The following ANKRD24 variants were observed in gnomAD, a reference collection of about 807,000 sequenced individuals.
ANKRD24 encodes the protein ankyrin repeat domain-containing protein 24.
In ANKRD24, 109 loss-of-function variants were observed where a neutral mutation model predicts 127.8. The observed-to-expected ratio is 0.85, with a 90% CI of 0.73 to 1.00. ANKRD24 has a LOEUF of 1.00. ANKRD24 is among the 50% of genes least tolerant of loss of function. The pLI is 0.00. For synonymous variants in ANKRD24, 743 were observed against 671.1 expected (o/e 1.11, Z -1.66); for missense variants, 1,648 against 1,570.2 (o/e 1.05, Z -0.84).
rs1968950112 is a variant in ANKRD24 at position 4,199,344 on chromosome 19, G to A, written c.37-339G>A. 8.1e-6 allele frequency: 2 copies of A among 248,368 alleles called. No individual in the cohort carries two copies. The highest frequency in any genetic ancestry group is 4.6e-5 in the African/African-American group (2 of 43,138). The allele number at this position is 248,368 out of a possible 1,614,324, so 15.4% of individuals were successfully genotyped here. A position where few individuals can be genotyped will look rare whatever the true frequency, so the allele number is the denominator to read the frequency against. The stretch of plus-strand genomic sequence containing the variant: ...TGATCCTCCCACCTCAGCCTCCCAA[G>A]CAGCTACAGGCATGAGCCACCATGC... On this transcript the variant is annotated intron_variant, in intron 2 of 21. Transcript: ENST00000318934. The surrounding 1 kb of genome is among the most constrained non-coding windows in gnomAD (Gnocchi z 5.2).
At chr19:4,183,228 C>T in intron 1 of ANKRD24, 2 of 838,152 alleles carry the variant, frequency 2.4e-6, no homozygotes, top group Non-Finnish European at 2.9e-6. Flanking sequence ...GATCTGACCG[C>T]CTCGGCCTCC....
chr19:4,212,589 G>C lies in ANKRD24; in HGVS notation c.1099-11G>C. 1.3e-6 allele frequency: 2 copies of C among 1,550,366 alleles called. No individual in the cohort carries two copies. The highest frequency in any genetic ancestry group is 1.7e-6 in the Non-Finnish European group (2 of 1,146,730). ...TCCCAGAGGCAGCTGAGCCTCCACT[G>C]CTGCTCCCAGGTGCAAGAGCTACAG... On this transcript the variant is annotated splice_polypyrimidine_tract_variant and intron_variant, in intron 14 of 21. Coordinates refer to ENST00000318934, the MANE Select transcript of ANKRD24 (RefSeq NM_001393985.1).
chr19:4,217,927 C>T lies in ANKRD24; in HGVS notation c.2767C>T (p.Gln923Ter). ...VVPASEHRRL[Q>*]EEALELRGRA... ...GCCGGCCTCTGAGCACCGCCGGCTG[C>T]AGGAGGAGGCCCTGGAGCTGCGGGG... Residue 923 changes from glutamine to a stop codon, truncating the protein, a stop_gained, in exon 18 of 22, where the codon CAG (glutamine) becomes TAG (stop). Transcript: ENST00000318934. LOFTEE classifies it high-confidence loss of function. The T allele has an allele frequency of 6.7e-7, 1 of 1,495,630 alleles. No homozygotes were observed. The highest frequency in any genetic ancestry group is 8.8e-7 in the Non-Finnish European group (1 of 1,130,020). 92.6% of individuals were successfully genotyped at this position (1,495,630 alleles called of 1,614,324 possible).
In ANKRD24 at chr19:4,217,847, G is replaced by T. The variant is rs918721408; in HGVS notation, c.2687G>T (p.Arg896Leu). 4 of 1,442,606 alleles carry T rather than the reference G, an allele frequency of 2.8e-6. No homozygotes were observed. The highest frequency in any genetic ancestry group is 2.7e-5 in the Admixed American group (1 of 36,896). The allele number at this position is 1,442,606 out of a possible 1,614,324, so 89.4% of individuals were successfully genotyped here. ...AELPAACEEA[R>L]QGLAELREAS... ...CTGCCTGCGGCCTGCGAGGAGGCGC[G>T]GCAGGGCCTGGCCGAGCTGCGGGAG... Residue 896 changes from arginine (R) to leucine (L), a missense_variant, in exon 18 of 22, where the codon CGG becomes CTG. Transcript: ENST00000318934.
chr19:4,221,272 T>TC (rs1378231585), intron 19 of ANKRD24, among the ~76,000 whole-genome samples: 2 of 151,992 alleles, frequency 1.3e-5, no homozygotes, highest in African/African-American at 4.8e-5. Context: ...AGACTGGGTT[T>TC]CACCATGTTG....
chr19:4,219,265 G>T (rs367713724), intron 18 of ANKRD24, among the ~76,000 whole-genome samples: 1 of 150,782 alleles, frequency 6.6e-6, no homozygotes, highest in South Asian at 2.1e-4. Flanking sequence ...CAGCCTAGGC[G>T]ACAGAGCAAG....
intron 15 of ANKRD24, 37 bp from the exon 16 acceptor site, chr19:4,215,941 G>A: frequency 1.3e-6 from 2 of 1,535,824 alleles, no homozygotes; most frequent in Non-Finnish European, 1.8e-6. Context: ...GGGGCTGAGA[G>A]CAGAACCCCG....
rs1899720878 is a variant in ANKRD24 at position 4,199,617 on chromosome 19, TG to T, written c.37-61del. ...GGGTGATGGGCCTGGGGGCAGATGC[TG>T]GGGGTCGCAGGCTTGGGGGACACTG... On this transcript the variant is annotated intron_variant, in intron 2 of 21. Coordinates refer to ENST00000318934, the MANE Select transcript of ANKRD24 (RefSeq NM_001393985.1). This position sits in a 1 kb window ranked among gnomAD's most constrained non-coding sequence, Gnocchi z 5.2. 3 of 1,471,654 alleles carry T rather than the reference TG, an allele frequency of 2.0e-6. No homozygotes were observed. The South Asian group carries it at 4.0e-5, about 20-fold the overall frequency. The allele number at this position is 1,471,654 out of a possible 1,614,324, so 91.2% of individuals were successfully genotyped here.
intron 11 of ANKRD24, among the ~76,000 whole-genome samples, chr19:4,209,837 C>G (rs1324711840): frequency 6.6e-6 from 1 of 152,144 alleles, no homozygotes; most frequent in African/African-American, 2.4e-5. Context: ...AACTGAGAGA[C>G]AGAGAGGAGC....
chr19:4,198,541 C>G lies in ANKRD24; in HGVS notation c.37-1142C>G, dbSNP rs748681403. The G allele has an allele frequency of 1.8e-6, 1 of 570,300 alleles. No individual in the cohort carries two copies. The highest frequency in any genetic ancestry group is 4.4e-4 in the Middle Eastern group (1 of 2,252). 35.3% of individuals were successfully genotyped at this position (570,300 alleles called of 1,614,324 possible). A position where few individuals can be genotyped will look rare whatever the true frequency, so the allele number is the denominator to read the frequency against. Reference sequence around the variant, plus strand: ...CAGCCGCCTCCTTCGCGGTAGGGCCCGGGGAGGGGGCGCAGGAGCGGGCGG... The same window carrying G: ...CAGCCGCCTCCTTCGCGGTAGGGCCGGGGGAGGGGGCGCAGGAGCGGGCGG... On this transcript the variant is annotated intron_variant, in intron 2 of 21. Coordinates refer to ENST00000318934, the MANE Select transcript of ANKRD24 (RefSeq NM_001393985.1). The surrounding 1 kb of genome is among the most constrained non-coding windows in gnomAD (Gnocchi z 6.1).
At chr19:4,207,214 G>T in intron 7 of ANKRD24, 28 bp from the exon 8 acceptor site, 1 of 1,607,904 alleles carries the variant, frequency 6.2e-7, no homozygotes, top group Non-Finnish European at 8.5e-7. Context: ...TTGAGCTACC[G>T]CACCGGACAA....
chr19:4,202,033 T>C lies in ANKRD24; in HGVS notation c.351T>C (p.Asn117=), dbSNP rs764235491. ...NVMSADGAGY[N]ALHLAAKYGH... ...TCTTCTTTCCTTCCCCAGGTTACAA[T>C]GCCCTCCACCTGGCCGCCAAATACG... is the stretch of plus-strand genomic sequence containing the variant. Residue 117 remains asparagine (N), a synonymous_variant, in exon 6 of 22, where the codon AAT becomes AAC. Coordinates refer to ENST00000318934, the MANE Select transcript of ANKRD24 (RefSeq NM_001393985.1). 6.2e-7 allele frequency: 1 copy of C among 1,613,814 alleles called. No homozygotes were observed. Among genetic ancestry groups the C allele is most frequent in the East Asian group, 2.2e-5 (1 of 44,872 alleles).
Position 4,216,717 on chromosome 19 carries a change from C to T in ANKRD24, c.1557C>T (p.Pro519=). The change falls in exon 18 of 22, where the codon CCC becomes CCT. Residue 519 remains proline, a synonymous_variant. Transcript: ENST00000318934. ...GGCAGCAGGAGACACGAGAGGTCCC[C>T]AGAGAAGAGGGGGCAGCCTGTGGGG... ...ALRQQETREV[P]REEGAACGES... is the part of the protein sequence containing the mutation. 2 of 1,578,424 alleles carry T rather than the reference C, an allele frequency of 1.3e-6. No homozygotes were observed. Among genetic ancestry groups the T allele is most frequent in the South Asian group, 2.3e-5 (2 of 86,676 alleles).
chr19:4,183,767 G>A (rs1209084336), intron 1 of ANKRD24, among the ~76,000 whole-genome samples: 5 of 152,032 alleles, frequency 3.3e-5, no homozygotes, highest in African/African-American at 1.2e-4. Flanking sequence ...TACAAAATTA[G>A]CTGGGTGTGG....
chr19:4,224,601 G>A lies in ANKRD24; in HGVS notation c.*96G>A. 1 of 1,240,656 alleles carries A rather than the reference G, an allele frequency of 8.1e-7. No individual in the cohort carries two copies. The allele number at this position is 1,240,656 out of a possible 1,614,324, so 76.9% of individuals were successfully genotyped here. Reference sequence around the variant, plus strand: ...AGACCGGCTTCACTTGGCTTCACTTGGCCCTATCCAGGCCCATGCACTTGG... The same window carrying A: ...AGACCGGCTTCACTTGGCTTCACTTAGCCCTATCCAGGCCCATGCACTTGG... On this transcript the variant is annotated 3_prime_UTR_variant, in exon 22 of 22. Transcript: ENST00000318934.
In ANKRD24 at chr19:4,222,700, C is replaced by G. The variant is rs773739692; in HGVS notation, c.3202C>G (p.Leu1068Val). The G allele has an allele frequency of 6.2e-7, 1 of 1,611,860 alleles. No homozygotes were observed. The highest frequency in any genetic ancestry group is 1.7e-5 in the Admixed American group (1 of 59,818). The stretch of plus-strand genomic sequence containing the variant: ...AGAACTCTCCAAAGAAGTCTTCAAT[C>G]TTAAGGAAGCCTTGAAGGAGCAGCC... ...ITELSKEVFNLKEALKEQPAA... is the reference protein window; with the variant it reads ...ITELSKEVFNVKEALKEQPAA... The change falls in exon 20 of 22, where the codon CTT becomes GTT. Residue 1068 changes from leucine to valine, a missense_variant. Coordinates refer to ENST00000318934, the MANE Select transcript of ANKRD24 (RefSeq NM_001393985.1).
Position 4,224,158 on chromosome 19 carries a change from C to G in ANKRD24, c.3329C>G (p.Ala1110Gly). The G allele has an allele frequency of 6.2e-7, 1 of 1,612,598 alleles. No homozygotes were observed. The highest frequency in any genetic ancestry group is 1.1e-5 in the South Asian group (1 of 90,874). ...EAARDHSSVV[A>G]LYRSHLLYAI... ...GCCAGGGACCACTCCAGCGTGGTGG[C>G]TTTGTACAGAAGCCACCTCCTATAT... Residue 1110 changes from alanine to glycine, a missense_variant, in exon 21 of 22, where the codon GCT (alanine) becomes GGT (glycine). Coordinates refer to ENST00000318934, the MANE Select transcript of ANKRD24 (RefSeq NM_001393985.1).
Position 4,198,147 on chromosome 19 carries a change from C to T in ANKRD24, c.37-1536C>T, listed in dbSNP as rs1181853163. 1 of 533,270 alleles carries T rather than the reference C, an allele frequency of 1.9e-6. No individual in the cohort carries two copies. The highest frequency in any genetic ancestry group is 3.4e-5 in the East Asian group (1 of 28,990). The allele number at this position is 533,270 out of a possible 1,614,324, so 33.0% of individuals were successfully genotyped here. A position where few individuals can be genotyped will look rare whatever the true frequency, so the allele number is the denominator to read the frequency against. On this transcript the variant is annotated intron_variant, in intron 2 of 21. Transcript: ENST00000318934. This position sits in a 1 kb window ranked among gnomAD's most constrained non-coding sequence, Gnocchi z 6.1. ...CCCGCGGGTCCCCTGGAGATGCAGCCGGCGGCCTGCGCTGGTGAGGGAGCC... is the reference window on the plus strand; with the variant it reads ...CCCGCGGGTCCCCTGGAGATGCAGCTGGCGGCCTGCGCTGGTGAGGGAGCC...
chr19:4,218,368 C>T (rs1213173141), intron 18 of ANKRD24, among the ~76,000 whole-genome samples: 2 of 151,450 alleles, frequency 1.3e-5, no homozygotes, highest in African/African-American at 4.9e-5. Context: ...GGTGTGATCT[C>T]AGCTCACTGC....
Sources: allele counts gnomAD v4.1 joint callset (sites outside exome capture counted in the v4.1 genomes callset), GRCh38; gene constraint gnomAD v4.1.1; non-coding constraint Gnocchi (gnomAD v3.1); transcripts MANE v1.5; gene names NCBI Gene and HGNC (gene_info 2026-07-23, HGNC 2026-07-21).